CDCP1: variants seen among roughly 807,000 people sequenced by gnomAD.
CDCP1 encodes the protein CUB domain containing protein 1, also known as CUB domain-containing protein 1.
CDCP1 carries 29 observed loss-of-function variants against 60.2 expected under a neutral mutation model. The ratio of observed to expected loss-of-function variants is 0.48; its 90% CI spans 0.36 to 0.66. The LOEUF is 0.66. Ranked by LOEUF, CDCP1 falls within the 30% of genes least tolerant of loss-of-function variation. CDCP1 has a pLI of 0.00. For synonymous variants in CDCP1, 387 were observed against 431.1 expected, an observed-to-expected ratio of 0.90 and a Z score of 1.27; for missense variants, 876 against 1,074.3, an observed-to-expected ratio of 0.82 and a Z score of 2.58.
chr3:45,135,823 T>C, intron 1 of CDCP1, among the ~76,000 whole-genome samples: 1 of 152,182 alleles, frequency 6.6e-6, no homozygotes, highest in East Asian at 1.9e-4. Context: ...TCTCTTGCTT[T>C]ACTTATTACA....
chr3:45,142,600 G>A (rs1002392657), intron 1 of CDCP1, among the ~76,000 whole-genome samples: 2 of 152,156 alleles, frequency 1.3e-5, no homozygotes, highest in Non-Finnish European at 2.9e-5. Context: ...ACCAGGACAG[G>A]CTCTCCACAG....
chr3:45,110,302 G>A, intron 4 of CDCP1, 171 bp downstream of exon 4: 1 of 1,438,890 alleles, frequency 6.9e-7, no homozygotes, highest in East Asian at 2.5e-5. Flanking sequence ...TCACCAACAA[G>A]CCTGTCTAAC....
chr3:45,124,211 A>G (rs4368538), intron 1 of CDCP1, among the ~76,000 whole-genome samples: 1 of 152,176 alleles, frequency 6.6e-6, no homozygotes, highest in African/African-American at 2.4e-5. Flanking sequence ...GATTCTAGTA[A>G]GGGAAACTAA....
chr3:45,126,215 C>CTTCCTTCT (rs148839369), intron 1 of CDCP1, among the ~76,000 whole-genome samples: 2 of 138,928 alleles, frequency 1.4e-5, no homozygotes, highest in African/African-American at 5.4e-5. Flanking sequence ...TCCTTCCTTC[C>CTTCCTTCT]TTCTTTCTTT....
chr3:45,145,730 C>G (rs1357337779), intron 1 of CDCP1, among the ~76,000 whole-genome samples: 1 of 152,124 alleles, frequency 6.6e-6, no homozygotes, highest in East Asian at 1.9e-4. Flanking sequence ...TTTTTTTGCA[C>G]CTTCTCTCTG....
chr3:45,088,948 A>G, intron 8 of CDCP1, 106 bp downstream of exon 8: 1 of 901,516 alleles, frequency 1.1e-6, no homozygotes, highest in South Asian at 1.5e-5. Context: ...TCTTTGGGGG[A>G]AAAAATGGGA....
rs141217519 is a variant in CDCP1, at chr3:45,087,790, C to A, written c.2081+1264G>T. ...ATCTCAGCACTTTGGGAGGCCGAGG[C>A]GGGTGGATCACAAGGTCAAGAGATC... is the stretch of plus-strand genomic sequence containing the variant. On this transcript the variant is annotated intron_variant, in intron 8 of 8. Coordinates refer to ENST00000296129, the MANE Select transcript of CDCP1 (RefSeq NM_022842.5). Among the ~76,000 whole-genome samples the A allele has an allele frequency of 5.6e-4, 85 of 152,130 alleles. 5 individuals are homozygous for A. In the East Asian group the frequency reaches 0.016, roughly 28 times the overall value.
chr3:45,108,172 C>T (rs1251368531), intron 4 of CDCP1, among the ~76,000 whole-genome samples: 1 of 151,878 alleles, frequency 6.6e-6, no homozygotes, highest in East Asian at 1.9e-4. Flanking sequence ...GGTAGGGGCA[C>T]AGGACTGGCT....
intron 4 of CDCP1, among the ~76,000 whole-genome samples, chr3:45,109,168 C>A (rs775888980): frequency 6.6e-6 from 1 of 151,484 alleles, no homozygotes; most frequent in African/African-American, 2.4e-5. Flanking sequence ...AGGCTGGTCT[C>A]GAACTCCTGA....
At chr3:45,146,116 C>CCTCCGCACA in intron 1 of CDCP1, 90 bp downstream of exon 1, 2 of 1,226,004 alleles carry the variant, frequency 1.6e-6, no homozygotes, top group African/African-American at 1.6e-5. Flanking sequence ...CCCTCCGCAC[C>CCTCCGCACA]CTGCGTCCCT....
rs1334489637 is a variant in CDCP1, at chr3:45,089,074, G to A, written c.2061C>T (p.Ile687=). 2 of 1,613,874 alleles carry A rather than the reference G, an allele frequency of 1.2e-6. No individual in the cohort carries two copies. Among genetic ancestry groups the A allele is most frequent in the African/African-American group, 2.7e-5 (2 of 74,882 alleles). The change falls in exon 8 of 9, where the codon ATC becomes ATT. Residue 687 remains isoleucine (I), a synonymous_variant. Transcript: ENST00000296129. ...GVLLLSALGL[I]ICCVKKKKKK... ...CCTACTTCTTTTTCACACAGCAAATGATGAGCCCGAGGGCAGACAGCAGTA... is the reference window on the plus strand; with the variant it reads ...CCTACTTCTTTTTCACACAGCAAATAATGAGCCCGAGGGCAGACAGCAGTA...
intron 1 of CDCP1, among the ~76,000 whole-genome samples, chr3:45,127,893 G>A (rs1699029840): frequency 2.0e-5 from 3 of 152,188 alleles, no homozygotes; most frequent in South Asian, 2.1e-4. Context: ...CAGCCGTCAG[G>A]CCAAGCTGAG....
At chr3:45,138,289 A>G (rs1323742917) in intron 1 of CDCP1, among the ~76,000 whole-genome samples, 1 of 152,220 alleles carries the variant, frequency 6.6e-6, no homozygotes, top group East Asian at 1.9e-4. Flanking sequence ...TCTTCCACAG[A>G]TATCCTTACA....
At position 45,127,942 on chromosome 3, in the gene CDCP1, G is replaced by A. The variant is rs574238334; in HGVS notation, c.83-9321C>T. ...GCTACTGTTGCAGGTCTGGAGAAAG[G>A]GATGGGTGGCAGGGCAGGTGACCAT... On this transcript the variant is annotated intron_variant, in intron 1 of 8. Transcript: ENST00000296129. 3.9e-5 allele frequency among the ~76,000 whole-genome samples: 6 copies of A among 152,316 alleles called. No homozygotes were observed. The South Asian group carries it at 1.2e-3, about 32-fold the overall frequency.
intron 4 of CDCP1, among the ~76,000 whole-genome samples, chr3:45,102,504 G>A (rs563144470): frequency 2.0e-5 from 3 of 151,020 alleles, no homozygotes; most frequent in African/African-American, 7.3e-5. Flanking sequence ...ATCTTCCCTT[G>A]GTTAAAAAGA....
At chr3:45,145,989 G>C (rs534339668) in intron 1 of CDCP1, among the ~76,000 whole-genome samples, 2 of 152,082 alleles carry the variant, frequency 1.3e-5, no homozygotes, top group South Asian at 4.1e-4. Context: ...TTGACTCCAG[G>C]AGGGCAAGGC....
intron 1 of CDCP1, among the ~76,000 whole-genome samples, chr3:45,142,872 AC>A (rs1314415233): frequency 6.6e-6 from 1 of 152,100 alleles, no homozygotes; most frequent in Non-Finnish European, 1.5e-5. Context: ...CATCCCAGCA[AC>A]TCTGCTTCCA....
At chr3:45,144,389 T>C (rs1362656096) in intron 1 of CDCP1, among the ~76,000 whole-genome samples, 1 of 152,152 alleles carries the variant, frequency 6.6e-6, no homozygotes, top group Admixed American at 6.5e-5. Flanking sequence ...ACAAAAGCTC[T>C]CAGTTCAGCC....
chr3:45,114,961 T>C (rs1392351712), intron 2 of CDCP1, among the ~76,000 whole-genome samples: 1 of 152,052 alleles, frequency 6.6e-6, no homozygotes. Context: ...AGAGACTGAA[T>C]GCATTCAAAG....
Sources: gnomAD v4.1 joint callset for allele counts (sites outside exome capture counted in the v4.1 genomes callset) on GRCh38, gnomAD v4.1.1 for gene constraint, MANE v1.5 for transcripts, NCBI Gene and HGNC (gene_info 2026-07-23, HGNC 2026-07-21) for gene names.